Variants in LYPD6B observed in about 807,000 individuals in gnomAD.
LYPD6B encodes the protein ly6/PLAUR domain-containing protein 6B.
Under a neutral mutation model 22.8 loss-of-function variants are expected in LYPD6B, and 17 were observed. That is an observed-to-expected ratio of 0.75 (90% confidence interval 0.51 to 1.12). LYPD6B has a LOEUF of 1.12. Among genes scored for constraint, LYPD6B ranks in the 50% most tolerant of loss-of-function variants. The pLI is 0.00. For synonymous variants in LYPD6B, 106 were observed against 91.6 expected, an observed-to-expected ratio of 1.16 and a Z score of -0.90; for missense variants, 221 against 258.3, an observed-to-expected ratio of 0.86 and a Z score of 0.99.
intron 1 of LYPD6B, among the ~76,000 whole-genome samples, chr2:149,056,964 AC>A (rs1683829407): frequency 6.6e-6 from 1 of 152,124 alleles, no homozygotes. Context: ...TAAAGAGCAT[AC>A]CCCATCTATT....
At chr2:149,114,683 C>A (rs948965550) in intron 1 of LYPD6B, among the ~76,000 whole-genome samples, 1 of 152,156 alleles carries the variant, frequency 6.6e-6, no homozygotes, top group South Asian at 2.1e-4. Flanking sequence ...CCATCCTAAG[C>A]CTTTCTGGCT....
At chr2:149,054,623 C>T (rs978475670) in intron 1 of LYPD6B, among the ~76,000 whole-genome samples, 1 of 152,148 alleles carries the variant, frequency 6.6e-6, no homozygotes, top group African/African-American at 2.4e-5. Flanking sequence ...GTGGCTCACA[C>T]CTGTAACCTG....
chr2:149,204,330 A>C (rs1034821155), intron 3 of LYPD6B, among the ~76,000 whole-genome samples: 6 of 152,212 alleles, frequency 3.9e-5, no homozygotes, highest in Non-Finnish European at 8.8e-5. Context: ...TCCCGGTTAC[A>C]TACTTTTTCT....
At chr2:149,082,194 C>A in intron 1 of LYPD6B, among the ~76,000 whole-genome samples, 1 of 152,152 alleles carries the variant, frequency 6.6e-6, no homozygotes, top group Non-Finnish European at 1.5e-5. Context: ...TAACTCTGAG[C>A]AGGGAAACAT....
rs1157839720 is a variant in LYPD6B, at chr2:149,134,835, A to G, written c.5+3882A>G. ...ATCTTTGGAACTGGTGTGCTGGAAC[A>G]AAGAGTAGCGAGGCATGCAAGGTTA... On this transcript the variant is annotated intron_variant, in intron 2 of 6. Coordinates refer to ENST00000409642, the MANE Select transcript of LYPD6B (RefSeq NM_177964.5). 2.0e-5 allele frequency among the ~76,000 whole-genome samples: 3 copies of G among 152,240 alleles called. No homozygotes were observed. The East Asian group carries it at 5.8e-4, about 29-fold the overall frequency.
At chr2:149,069,416 C>T (rs575441242) in intron 1 of LYPD6B, among the ~76,000 whole-genome samples, 2 of 152,128 alleles carry the variant, frequency 1.3e-5, no homozygotes, top group South Asian at 2.1e-4. Flanking sequence ...ATGAATGTTT[C>T]GTAATGGAAA....
intron 1 of LYPD6B, among the ~76,000 whole-genome samples, chr2:149,070,417 A>C (rs2105354274): frequency 6.6e-6 from 1 of 152,186 alleles, no homozygotes. Context: ...AGCGCTTATT[A>C]ATATCTAACA....
rs376162524 is a variant in LYPD6B, at chr2:149,167,298, C to T, written c.77+6463C>T. Reference sequence around the variant, plus strand: ...AGGAAGCGTCTTTTGTTTCAGGGGGCTTTGGAGCTGTTTTTTCCCTGCCAT... The same window carrying T: ...AGGAAGCGTCTTTTGTTTCAGGGGGTTTTGGAGCTGTTTTTTCCCTGCCAT... On this transcript the variant is annotated intron_variant, in intron 3 of 6. Coordinates refer to ENST00000409642, the MANE Select transcript of LYPD6B (RefSeq NM_177964.5). 3.6e-4 allele frequency among the ~76,000 whole-genome samples: 55 copies of T among 152,214 alleles called. No individual in the cohort carries two copies. In the South Asian group the frequency reaches 3.7e-3, roughly 10 times the overall value.
At chr2:149,141,480 G>A (rs1201223878) in intron 2 of LYPD6B, among the ~76,000 whole-genome samples, 2 of 152,136 alleles carry the variant, frequency 1.3e-5, no homozygotes, top group South Asian at 4.1e-4. Context: ...GATTTGTAAA[G>A]CCATTCAACA....
chr2:149,052,223 GT>G (rs1490941524), intron 1 of LYPD6B, among the ~76,000 whole-genome samples: 1 of 151,290 alleles, frequency 6.6e-6, no homozygotes, highest in Non-Finnish European at 1.5e-5. Flanking sequence ...CACCCAGCTA[GT>G]TTTTGTATTT....
chr2:149,095,620 A>G (rs1685868393), intron 1 of LYPD6B, among the ~76,000 whole-genome samples: 2 of 152,198 alleles, frequency 1.3e-5, no homozygotes, highest in Admixed American at 1.3e-4. Flanking sequence ...GAGTGAGAAC[A>G]AAACCATGAA....
chr2:149,178,628 G>A (rs536727466), intron 3 of LYPD6B, among the ~76,000 whole-genome samples: 17 of 152,150 alleles, frequency 1.1e-4, no homozygotes, highest in East Asian at 3.9e-4. Flanking sequence ...TTTGTTTTCC[G>A]TTAAACTTGA....
At chr2:149,189,061 G>GTA (rs1229230616) in intron 3 of LYPD6B, among the ~76,000 whole-genome samples, 1 of 151,720 alleles carries the variant, frequency 6.6e-6, no homozygotes, top group Non-Finnish European at 1.5e-5. Context: ...TACTATATAT[G>GTA]TACAAGGGAC....
At chr2:149,123,282 T>C (rs1687490522) in intron 1 of LYPD6B, among the ~76,000 whole-genome samples, 2 of 152,210 alleles carry the variant, frequency 1.3e-5, no homozygotes, top group Admixed American at 1.3e-4. Flanking sequence ...TGCTATTGGC[T>C]TTATGGTTTT....
chr2:149,148,884 C>G (rs1456923909), intron 2 of LYPD6B, among the ~76,000 whole-genome samples: 1 of 152,164 alleles, frequency 6.6e-6, no homozygotes, highest in Non-Finnish European at 1.5e-5. Context: ...CAGACTTCTA[C>G]AGCCTGCAGT....
At chr2:149,132,464 TTCTCAA>T (rs1406092543) in intron 2 of LYPD6B, among the ~76,000 whole-genome samples, 1 of 152,040 alleles carries the variant, frequency 6.6e-6, no homozygotes, top group Non-Finnish European at 1.5e-5. Context: ...GCAGCTCGAT[TTCTCAA>T]TCTCTGGCAG....
At chr2:149,202,938 A>T (rs1219368898) in intron 3 of LYPD6B, among the ~76,000 whole-genome samples, 1 of 152,232 alleles carries the variant, frequency 6.6e-6, no homozygotes, top group Non-Finnish European at 1.5e-5. Flanking sequence ...CCCATTTTAT[A>T]GATGCAAAAA....
intron 6 of LYPD6B, among the ~76,000 whole-genome samples, chr2:149,213,585 T>C (rs1694010817): frequency 6.6e-6 from 1 of 152,268 alleles, no homozygotes; most frequent in Non-Finnish European, 1.5e-5. Flanking sequence ...CTCCTTTATA[T>C]GCCTGGAATT....
At chr2:149,112,895 A>G (rs4667355) in intron 1 of LYPD6B, among the ~76,000 whole-genome samples, 62,689 of 151,884 alleles carry the variant, frequency 0.41, 13,474 homozygotes, top group African/African-American at 0.54. Flanking sequence ...CTGTGTTTGT[A>G]GAAACAATAA....
Sources: gnomAD v4.1 joint callset for allele counts (sites outside exome capture counted in the v4.1 genomes callset) on GRCh38, gnomAD v4.1.1 for gene constraint, MANE v1.5 for transcripts, NCBI Gene and HGNC (gene_info 2026-07-23, HGNC 2026-07-21) for gene names.